Variants in ST18 observed in about 807,000 individuals in gnomAD.
ST18 encodes the protein suppression of tumorigenicity 18 protein.
In ST18, 50 loss-of-function variants were observed where a neutral mutation model predicts 110.0. The ratio of observed to expected loss-of-function variants is 0.45; its 90% CI spans 0.36 to 0.58. The LOEUF is 0.58. Ranked by LOEUF, ST18 falls within the 20% of genes least tolerant of loss-of-function variation. The pLI is 0.00. For missense variants in ST18, 1,306 were observed against 1,280.1 expected, an observed-to-expected ratio of 1.02 and a Z score of -0.31; for synonymous variants, 461 against 452.4, an observed-to-expected ratio of 1.02 and a Z score of -0.24.
chr8:52,378,182 T>C (rs998425191), intron 2 of ST18, among the ~76,000 whole-genome samples: 2 of 152,144 alleles, frequency 1.3e-5, no homozygotes, highest in East Asian at 1.9e-4. Flanking sequence ...TAGTATTTAG[T>C]AGCAAAGTAG....
At chr8:52,334,620 G>T (rs759478088) in intron 2 of ST18, among the ~76,000 whole-genome samples, 17 of 152,144 alleles carry the variant, frequency 1.1e-4, no homozygotes, top group Non-Finnish European at 2.2e-4. Context: ...TGTTTCCAAG[G>T]ATTGAGGTTT....
At chr8:52,328,737 C>A (rs1391371727) in intron 2 of ST18, among the ~76,000 whole-genome samples, 4 of 152,042 alleles carry the variant, frequency 2.6e-5, no homozygotes, top group Non-Finnish European at 4.4e-5. Context: ...CATAAAGATG[C>A]AAGCTTTTGA....
At chr8:52,185,429 A>G (rs1380026940) in intron 8 of ST18, among the ~76,000 whole-genome samples, 1 of 152,290 alleles carries the variant, frequency 6.6e-6, no homozygotes, top group Non-Finnish European at 1.5e-5. Context: ...TAATTCTACA[A>G]TTTCTGTGGA....
chr8:52,207,032 C>G lies in ST18; in HGVS notation c.86+5047G>C, dbSNP rs7014987. Among the ~76,000 whole-genome samples the G allele has an allele frequency of 9.4e-3, 1,427 of 152,122 alleles. 22 individuals are homozygous for G. Among genetic ancestry groups the G allele is most frequent in the African/African-American group, 0.032 (1,348 of 41,510 alleles). Reference sequence around the variant, plus strand: ...TAATAAGTTCCAATAAACTCATGACCACTAAAGGAAACTGAATTCTAAAAA... The same window carrying G: ...TAATAAGTTCCAATAAACTCATGACGACTAAAGGAAACTGAATTCTAAAAA... On this transcript the variant is annotated intron_variant, in intron 8 of 25. Coordinates refer to ENST00000689386, the MANE Select transcript of ST18 (RefSeq NM_001352837.2).
intron 2 of ST18, among the ~76,000 whole-genome samples, chr8:52,357,692 T>G: frequency 1.9e-5 from 1 of 53,930 alleles, no homozygotes; most frequent in Non-Finnish European, 3.6e-5. Context: ...TATATATATA[T>G]ATATATATAT....
rs971768088 is a variant in ST18, at chr8:52,132,038, G to T, written c.2586C>A (p.Asn862Lys). ...AGGGACAATGTGGTAGCTCTTGTTTGTTCAGTTTCCAGGAGAGGGAGGCTC... is the reference window on the plus strand; with the variant it reads ...AGGGACAATGTGGTAGCTCTTGTTTTTTCAGTTTCCAGGAGAGGGAGGCTC... ...LNGASLSWKL[N>K]KQELPHCPLP... The change falls in exon 22 of 26, where the codon AAC (asparagine) becomes AAA (lysine). Residue 862 changes from asparagine to lysine, a missense_variant. Physicochemically the swap from Asn to Lys is moderately conservative, Grantham distance 94. Coordinates refer to ENST00000689386, the MANE Select transcript of ST18 (RefSeq NM_001352837.2). The T allele has an allele frequency of 6.8e-6, 11 of 1,614,084 alleles. No homozygotes were observed. In the East Asian group the frequency reaches 2.5e-4, roughly 36 times the overall value.
chr8:52,367,621 A>G (rs1353555175), intron 2 of ST18, among the ~76,000 whole-genome samples: 2 of 152,228 alleles, frequency 1.3e-5, no homozygotes, highest in African/African-American at 4.8e-5. Flanking sequence ...GCAACGAATT[A>G]CAATAGCCCC....
intron 8 of ST18, among the ~76,000 whole-genome samples, chr8:52,184,131 C>G (rs1026854413): frequency 2.0e-5 from 3 of 152,182 alleles, no homozygotes; most frequent in Admixed American, 6.5e-5. Flanking sequence ...CATATCTTCT[C>G]AAGGTTGCCA....
intron 2 of ST18, among the ~76,000 whole-genome samples, chr8:52,302,790 ATAAAAATATATTT>A (rs2095749197): frequency 2.0e-5 from 3 of 152,252 alleles, no homozygotes; most frequent in South Asian, 4.1e-4. Context: ...CTATACAGAT[ATAAAAATATATTT>A]TAAATACTAG....
At chr8:52,306,916 C>T (rs1040553551) in intron 2 of ST18, among the ~76,000 whole-genome samples, 11 of 152,192 alleles carry the variant, frequency 7.2e-5, no homozygotes, top group Non-Finnish European at 1.0e-4. Context: ...ATAGGTAACA[C>T]ATTTAGACAT....
chr8:52,138,513 G>C (rs1253893990), intron 17 of ST18, among the ~76,000 whole-genome samples: 1 of 152,222 alleles, frequency 6.6e-6, no homozygotes, highest in Non-Finnish European at 1.5e-5. Context: ...GAGCCTAGGA[G>C]TTCGAGCCTG....
chr8:52,343,275 G>C (rs16917725), intron 2 of ST18, among the ~76,000 whole-genome samples: 24,191 of 152,046 alleles, frequency 0.16, 3,237 homozygotes, highest in African/African-American at 0.36. Flanking sequence ...CTTCAGGAGA[G>C]TTGGGTTTTA....
intron 2 of ST18, among the ~76,000 whole-genome samples, chr8:52,279,603 A>G (rs2095337053): frequency 1.3e-5 from 2 of 152,168 alleles, no homozygotes; most frequent in South Asian, 4.1e-4. Flanking sequence ...GTAAAAATAC[A>G]GAATACTTAA....
chr8:52,230,716 T>C (rs1006145723), intron 2 of ST18, among the ~76,000 whole-genome samples: 3 of 152,186 alleles, frequency 2.0e-5, no homozygotes, highest in Non-Finnish European at 4.4e-5. Flanking sequence ...AAAATATTTT[T>C]ACAAAGAAGG....
intron 2 of ST18, among the ~76,000 whole-genome samples, chr8:52,329,270 T>G (rs1808015120): frequency 6.8e-6 from 1 of 146,090 alleles, no homozygotes; most frequent in Non-Finnish European, 1.5e-5. Context: ...TGTCTCCATC[T>G]GTGGAGAAAT....
intron 2 of ST18, among the ~76,000 whole-genome samples, chr8:52,295,919 G>C (rs1287270883): frequency 6.6e-6 from 1 of 151,972 alleles, no homozygotes; most frequent in Non-Finnish European, 1.5e-5. Flanking sequence ...GTTCGAGGGA[G>C]CTTAGGACAA....
At chr8:52,154,866 G>A (rs1396405785) in intron 15 of ST18, 1 of 148,472 alleles carries the variant, frequency 6.7e-6, no homozygotes, top group Non-Finnish European at 1.5e-5. Flanking sequence ...AGGTGACAGA[G>A]CAGATCCTCT....
chr8:52,397,571 G>A (rs1312378788), intron 2 of ST18, among the ~76,000 whole-genome samples: 1 of 152,078 alleles, frequency 6.6e-6, no homozygotes, highest in African/African-American at 2.4e-5. Context: ...TTCTCACCTA[G>A]GAGTTTTATG....
intron 2 of ST18, among the ~76,000 whole-genome samples, chr8:52,285,094 T>C (rs1247080475): frequency 6.6e-6 from 1 of 152,184 alleles, no homozygotes; most frequent in Non-Finnish European, 1.5e-5. Context: ...TGTTTGTGGG[T>C]TGCTTCTGAG....
Sources: gnomAD v4.1 joint callset for allele counts (sites outside exome capture counted in the v4.1 genomes callset) on GRCh38, gnomAD v4.1.1 for gene constraint, MANE v1.5 for transcripts, NCBI Gene and HGNC (gene_info 2026-07-23, HGNC 2026-07-21) for gene names.